The following DEPDC1 variants were observed in gnomAD, a reference collection of about 807,000 sequenced individuals.
DEPDC1 encodes the protein DEP domain containing 1.
In DEPDC1, 66 loss-of-function variants were observed where a neutral mutation model predicts 86.8. That is an observed-to-expected ratio of 0.76 (90% CI 0.62 to 0.93). The LOEUF (loss-of-function observed/expected upper bound fraction) is 0.93, where lower values mean the gene tolerates loss of function less well. Among genes scored for constraint, DEPDC1 ranks in the 40% least tolerant of loss-of-function variants. DEPDC1 has a pLI of 0.00. For synonymous variants in DEPDC1, 255 were observed against 314.9 expected (o/e 0.81, Z 2.02); for missense variants, 792 against 935.7 (o/e 0.85, Z 2.00).
Position 68,481,540 on chromosome 1 carries a change from G to C in DEPDC1, c.1835C>G (p.Pro612Arg), listed in dbSNP as rs758434730. 2 of 1,612,032 alleles carry C rather than the reference G, an allele frequency of 1.2e-6. No homozygotes were observed. The highest frequency in any genetic ancestry group is 1.1e-5 in the South Asian group (1 of 90,910). Reference protein sequence around the residue: ...LQLCCLLLPPPNRRKLQLLMR... With the variant: ...LQLCCLLLPPRNRRKLQLLMR... Reference sequence around the variant, plus strand: ...TAAAAGTTGAAGCTTTCTACGATTTGGTGGGGGAAGTAACAAACAACATAA... The same window carrying C: ...TAAAAGTTGAAGCTTTCTACGATTTCGTGGGGGAAGTAACAAACAACATAA... Residue 612 changes from proline (P) to arginine (R), a missense_variant, in exon 9 of 12, where the codon CCA becomes CGA. Transcript: ENST00000456315.
At chr1:68,480,631 A>G (rs1371948983) in intron 9 of DEPDC1, among the ~76,000 whole-genome samples, 1 of 151,990 alleles carries the variant, frequency 6.6e-6, no homozygotes, top group Non-Finnish European at 1.5e-5. Context: ...TTAAAAGTGC[A>G]AAACCAAAAT....
At position 68,476,801 on chromosome 1, in the gene DEPDC1, A is replaced by G; in HGVS notation, c.*131T>C. On this transcript the variant is annotated 3_prime_UTR_variant, in exon 12 of 12. Transcript: ENST00000456315. The stretch of plus-strand genomic sequence containing the variant: ...GTCTCACATTGATAACTATTTTGGC[A>G]CTTCCTTACATAATGTGTTTATTTA... 1 of 782,354 alleles carries G rather than the reference A, an allele frequency of 1.3e-6. No individual in the cohort carries two copies. Among genetic ancestry groups the G allele is most frequent in the Non-Finnish European group, 1.9e-6 (1 of 522,796 alleles). The allele number at this position is 782,354 out of a possible 1,614,324, so 48.5% of individuals were successfully genotyped here.
rs143673529 is a variant in DEPDC1 at position 68,481,602 on chromosome 1, T to C, written c.1773A>G (p.Gln591=). The part of the protein sequence containing the change: ...SMLTGTQSLL[Q]PHLERVAIDA... Reference sequence around the variant, plus strand: ...CGATGGCAACCCTCTCTAAATGAGGTTGCAGCAAGCCTAGAATACAAAAAT... The same window carrying C: ...CGATGGCAACCCTCTCTAAATGAGGCTGCAGCAAGCCTAGAATACAAAAAT... The change falls in exon 9 of 12, where the codon CAA becomes CAG. Residue 591 remains glutamine (Q), a synonymous_variant. Transcript: ENST00000456315. 5 of 1,588,534 alleles carry C rather than the reference T, an allele frequency of 3.1e-6. No homozygotes were observed. Among genetic ancestry groups the C allele is most frequent in the Non-Finnish European group, 4.3e-6 (5 of 1,168,356 alleles).
chr1:68,489,928 T>C (rs1232361218), intron 2 of DEPDC1, among the ~76,000 whole-genome samples: 1 of 152,038 alleles, frequency 6.6e-6, no homozygotes, highest in Non-Finnish European at 1.5e-5. Context: ...AGTTATCTAG[T>C]TTGTATATTC....
At position 68,497,047 on chromosome 1, in the gene DEPDC1, A is replaced by T; in HGVS notation, c.-48T>A. ...GTCCATGGCGGCGAAGGCGACACTC[A>T]GGCCCAGCGGCCGCGGCAGTGGCGA... is the stretch of plus-strand genomic sequence containing the variant. On this transcript the variant is annotated 5_prime_UTR_variant, in exon 1 of 12. Transcript: ENST00000456315. The T allele has an allele frequency of 6.2e-7, 1 of 1,601,828 alleles. No homozygotes were observed. Among genetic ancestry groups the T allele is most frequent in the Non-Finnish European group, 8.5e-7 (1 of 1,171,282 alleles).
chr1:68,489,403 G>A (rs1025416779), intron 3 of DEPDC1, 49 bp downstream of exon 3: 1 of 1,251,670 alleles, frequency 8.0e-7, no homozygotes, highest in African/African-American at 1.6e-5. Context: ...CTATCATTGA[G>A]TACATCATAA....
rs1287342621 is a variant in DEPDC1 at position 68,489,601 on chromosome 1, C to A, written c.322G>T (p.Ala108Ser). 1 of 1,532,380 alleles carries A rather than the reference C, an allele frequency of 6.5e-7. No individual in the cohort carries two copies. Among genetic ancestry groups the A allele is most frequent in the South Asian group, 1.3e-5 (1 of 75,110 alleles). The allele number at this position is 1,532,380 out of a possible 1,614,324, so 94.9% of individuals were successfully genotyped here. Residue 108 changes from alanine (A) to serine (S), a missense_variant, in exon 3 of 12, where the codon GCA becomes TCA. By Grantham distance (99) the Ala-to-Ser change is moderately conservative. Coordinates refer to ENST00000456315, the MANE Select transcript of DEPDC1 (RefSeq NM_001114120.3). ...GGTAGAGTTTTAAGTGGCGAAGTTG[C>A]AGGAAATCTGGTTTAAAAACAATAA... ...DDNNQLFRFP[A>S]TSPLKTLPRR...
chr1:68,481,402 T>C (rs373156093), intron 9 of DEPDC1, 38 bp downstream of exon 9: 86 of 1,564,274 alleles, frequency 5.5e-5, no homozygotes, highest in Admixed American at 8.9e-5. Context: ...TTTTGGTTTA[T>C]GAATCAGACT....
chr1:68,490,964 G>A (rs1646225420), intron 2 of DEPDC1, among the ~76,000 whole-genome samples: 1 of 152,106 alleles, frequency 6.6e-6, no homozygotes, highest in Non-Finnish European at 1.5e-5. Flanking sequence ...AATAGTGCTG[G>A]GATAACTGGT....
rs896667222 is a variant in DEPDC1, at chr1:68,488,393, A to T, written c.702T>A (p.Val234=). The T allele has an allele frequency of 2.8e-5, 45 of 1,589,144 alleles. No individual in the cohort carries two copies. The highest frequency in any genetic ancestry group is 3.8e-5 in the Non-Finnish European group (44 of 1,172,654). Residue 234 remains valine (V), a synonymous_variant, in exon 5 of 12, where the codon GTT becomes GTA. Transcript: ENST00000456315. ...ACCAACCTGATTTGTTTTGTAGTATAACTACTCCACGTTTACTTGTATTGG... is the reference window on the plus strand; with the variant it reads ...ACCAACCTGATTTGTTTTGTAGTATTACTACTCCACGTTTACTTGTATTGG... The part of the protein sequence containing the change: ...NMANTSKRGV[V]ILQNKSDDLP...
At position 68,496,850 on chromosome 1, in the gene DEPDC1, C is replaced by G; in HGVS notation, c.48+102G>C. 1 of 1,158,468 alleles carries G rather than the reference C, an allele frequency of 8.6e-7. No homozygotes were observed. The highest frequency in any genetic ancestry group is 1.3e-6 in the Non-Finnish European group (1 of 792,762). 71.8% of individuals were successfully genotyped at this position (1,158,468 alleles called of 1,614,324 possible). A position where few individuals can be genotyped will look rare whatever the true frequency, so the allele number is the denominator to read the frequency against. ...TGAACCTAGGGATCCTGGGACTCAT[C>G]CCTCCGACCGAGGTAAAACTGCGAA... On this transcript the variant is annotated intron_variant, in intron 1 of 11. Coordinates refer to ENST00000456315, the MANE Select transcript of DEPDC1 (RefSeq NM_001114120.3). The surrounding 1 kb of genome is among the most constrained non-coding windows in gnomAD (Gnocchi z 4.0).
rs1014149144 is a variant in DEPDC1 at position 68,488,396 on chromosome 1, T to TA, written c.698dup (p.Val234SerfsTer9). On this transcript the variant is annotated frameshift_variant, in exon 5 of 12. Coordinates refer to ENST00000456315, the MANE Select transcript of DEPDC1 (RefSeq NM_001114120.3). LOFTEE classifies it high-confidence loss of function. ...AACCTGATTTGTTTTGTAGTATAAC[T>TA]ACTCCACGTTTACTTGTATTGGCCA... 6.3e-7 allele frequency: 1 copy of TA among 1,591,456 alleles called. No individual in the cohort carries two copies. The highest frequency in any genetic ancestry group is 8.5e-7 in the Non-Finnish European group (1 of 1,173,324).
At chr1:68,494,781 C>A in intron 1 of DEPDC1, 86 bp from the exon 2 acceptor site, 1 of 1,052,432 alleles carries the variant, frequency 9.5e-7, no homozygotes, top group Non-Finnish European at 1.4e-6. Context: ...AAAGAAAATT[C>A]TTTAATTCAC....
In DEPDC1 at chr1:68,476,960, C is replaced by T. The variant is rs1287608302; in HGVS notation, c.2408G>A (p.Arg803Lys). ...TCTTAGACTACGGAACTTTGGTTTT[C>T]TTAAAATCAGCATTGGTTGCTTGAT... ...PTIKQPMLIL[R>K]KPKFRSLR Residue 803 changes from arginine (R) to lysine (K), a missense_variant, in exon 12 of 12, where the codon AGA becomes AAA. Physicochemically the swap from Arg to Lys is conservative, Grantham distance 26. Transcript: ENST00000456315. 2.5e-6 allele frequency: 4 copies of T among 1,600,704 alleles called. No homozygotes were observed. Among genetic ancestry groups the T allele is most frequent in the Admixed American group, 1.7e-5 (1 of 58,762 alleles).
rs762606841 is a variant in DEPDC1, at chr1:68,494,448, T to G, written c.296A>C (p.Asp99Ala). Residue 99 changes from aspartate to alanine, a missense_variant, in exon 2 of 12, where the codon GAT (aspartate) becomes GCT (alanine). Asp to Ala is a moderately radical substitution (Grantham distance 126). Transcript: ENST00000456315. Reference protein sequence around the residue: ...KGRWGSENVDDNNQLFRFPAT... With the variant: ...KGRWGSENVDANNQLFRFPAT... ...TCATTACCTGAAGAGCTGGTTGTTA[T>G]CATCAACATTTTCTGATCCCCACCT... 1.9e-6 allele frequency: 3 copies of G among 1,613,350 alleles called. No homozygotes were observed. The highest frequency in any genetic ancestry group is 2.5e-6 in the Non-Finnish European group (3 of 1,179,602).
chr1:68,487,466 T>C (rs1415455442), intron 5 of DEPDC1, among the ~76,000 whole-genome samples: 2 of 152,008 alleles, frequency 1.3e-5, no homozygotes, highest in Non-Finnish European at 2.9e-5. Context: ...CGAGTGCCAC[T>C]AAATAAAATA....
At position 68,496,873 on chromosome 1, in the gene DEPDC1, G is replaced by A. The variant is rs938896905; in HGVS notation, c.48+79C>T. 1.4e-6 allele frequency: 2 copies of A among 1,459,040 alleles called. No homozygotes were observed. The highest frequency in any genetic ancestry group is 2.4e-5 in the South Asian group (2 of 84,856). 90.4% of individuals were successfully genotyped at this position (1,459,040 alleles called of 1,614,324 possible). A position where few individuals can be genotyped will look rare whatever the true frequency, so the allele number is the denominator to read the frequency against. On this transcript the variant is annotated intron_variant, in intron 1 of 11. Transcript: ENST00000456315. The surrounding 1 kb of genome is among the most constrained non-coding windows in gnomAD (Gnocchi z 4.0). ...ATCCCTCCGACCGAGGTAAAACTGCGAACGGTCGAGGTAAAACTGCGAACA... is the reference window on the plus strand; with the variant it reads ...ATCCCTCCGACCGAGGTAAAACTGCAAACGGTCGAGGTAAAACTGCGAACA...
At chr1:68,490,298 G>A (rs1033704588) in intron 2 of DEPDC1, among the ~76,000 whole-genome samples, 1 of 152,044 alleles carries the variant, frequency 6.6e-6, no homozygotes, top group Non-Finnish European at 1.5e-5. Flanking sequence ...AGGCCCCAGT[G>A]TCTATTGTTC....
In DEPDC1 at chr1:68,476,970, G is replaced by A; in HGVS notation, c.2398C>T (p.Leu800=). The A allele has an allele frequency of 6.2e-7, 1 of 1,604,208 alleles. No homozygotes were observed. Among genetic ancestry groups the A allele is most frequent in the Non-Finnish European group, 8.5e-7 (1 of 1,175,704 alleles). ...GDKPTIKQPM[L]ILRKPKFRSL... is the part of the protein sequence containing the mutation. ...CGGAACTTTGGTTTTCTTAAAATCA[G>A]CATTGGTTGCTTGATTGTAGGTTTG... Residue 800 remains leucine (L), a synonymous_variant, in exon 12 of 12, where the codon CTG becomes TTG. Coordinates refer to ENST00000456315, the MANE Select transcript of DEPDC1 (RefSeq NM_001114120.3).
Sources: gnomAD v4.1 joint callset for allele counts (sites outside exome capture counted in the v4.1 genomes callset) on GRCh38, gnomAD v4.1.1 for gene constraint, Gnocchi (gnomAD v3.1) non-coding constraint, MANE v1.5 for transcripts, NCBI Gene and HGNC (gene_info 2026-07-23, HGNC 2026-07-21) for gene names.